HECTD2: variants seen among roughly 807,000 people sequenced by gnomAD.
HECTD2 encodes probable E3 ubiquitin-protein ligase HECTD2.
A neutral mutation model predicts 103.2 loss-of-function variants in HECTD2; 35 were observed. The ratio of observed to expected loss-of-function variants is 0.34; its 90% CI spans 0.26 to 0.45. The LOEUF is 0.45. Ranked by LOEUF, HECTD2 falls within the 20% of genes least tolerant of loss-of-function variation. The pLI, the probability that HECTD2 is intolerant of heterozygous loss-of-function variation, is 1.00. For missense variants in HECTD2, 596 were observed against 937.4 expected (o/e 0.64, Z 4.76); for synonymous variants, 281 against 329.9 (o/e 0.85, Z 1.61).
intron 2 of HECTD2, among the ~76,000 whole-genome samples, chr10:91,458,427 A>C (rs1271933119): frequency 6.6e-6 from 1 of 152,014 alleles, no homozygotes; most frequent in Non-Finnish European, 1.5e-5. Flanking sequence ...GATATAGATA[A>C]GATTATTTTC....
chr10:91,492,294 T>C, intron 12 of HECTD2, 58 bp from the exon 13 acceptor site: 1 of 1,515,906 alleles, frequency 6.6e-7, no homozygotes, highest in South Asian at 1.2e-5. Context: ...GAATTAAAAA[T>C]GTTAATTCTC....
At chr10:91,463,717 C>T (rs1273239508) in intron 5 of HECTD2, 1 of 152,150 alleles carries the variant, frequency 6.6e-6, no homozygotes, top group Admixed American at 6.6e-5. Context: ...TATAAACATC[C>T]TTTGTCATTG....
chr10:91,429,585 A>G (rs1050457111), intron 2 of HECTD2, among the ~76,000 whole-genome samples: 1 of 152,102 alleles, frequency 6.6e-6, no homozygotes, highest in Non-Finnish European at 1.5e-5. Context: ...AGAGATTCAA[A>G]TTCTTCCTGG....
At chr10:91,425,506 G>T in intron 2 of HECTD2, 96 bp downstream of exon 2, 2 of 862,334 alleles carry the variant, frequency 2.3e-6, no homozygotes, top group Non-Finnish European at 3.2e-6. Context: ...GATAGGTCTA[G>T]TTAATACAAC....
At chr10:91,456,514 A>G (rs925743653) in intron 2 of HECTD2, among the ~76,000 whole-genome samples, 6 of 152,188 alleles carry the variant, frequency 3.9e-5, no homozygotes, top group Non-Finnish European at 8.8e-5. Context: ...CAATCATGTC[A>G]TCTGCAAACA....
At chr10:91,417,457 G>A (rs1285582606) in intron 1 of HECTD2, among the ~76,000 whole-genome samples, 2 of 151,846 alleles carry the variant, frequency 1.3e-5, no homozygotes, top group African/African-American at 4.8e-5. Context: ...TGCCATGTTG[G>A]TGTGCTGCAC....
intron 16 of HECTD2, among the ~76,000 whole-genome samples, chr10:91,498,623 A>G (rs1044392545): frequency 1.3e-5 from 2 of 152,172 alleles, no homozygotes; most frequent in Admixed American, 1.3e-4. Flanking sequence ...ATGTCCACAC[A>G]GTTTTGTGGA....
At chr10:91,480,879 C>G (rs1047607966) in intron 6 of HECTD2, among the ~76,000 whole-genome samples, 3 of 151,928 alleles carry the variant, frequency 2.0e-5, no homozygotes, top group Non-Finnish European at 4.4e-5. Context: ...GCCTAGTTAG[C>G]TCAGTCTTTA....
intron 2 of HECTD2, among the ~76,000 whole-genome samples, chr10:91,430,396 C>G (rs1009421255): frequency 6.6e-6 from 1 of 151,976 alleles, no homozygotes; most frequent in East Asian, 1.9e-4. Context: ...CTATTAGGTC[C>G]GCTTGGTGCA....
chr10:91,462,064 A>C (rs544271800), intron 4 of HECTD2, 31 bp from the exon 5 acceptor site: 11 of 1,460,400 alleles, frequency 7.5e-6, no homozygotes, highest in Admixed American at 7.0e-5. Flanking sequence ...TAAAATGTTG[A>C]ATATACTTAA....
intron 5 of HECTD2, among the ~76,000 whole-genome samples, chr10:91,477,724 TAATG>T (rs1845958884): frequency 6.6e-6 from 1 of 152,240 alleles, no homozygotes; most frequent in African/African-American, 2.4e-5. Flanking sequence ...AGTTTCTTGT[TAATG>T]AAGCTTCTAT....
intron 2 of HECTD2, among the ~76,000 whole-genome samples, chr10:91,449,004 G>A (rs1844660899): frequency 1.5e-5 from 2 of 134,410 alleles, no homozygotes; most frequent in South Asian, 2.8e-4. Flanking sequence ...AGAAAAAGAG[G>A]AACTCCTCCC....
At chr10:91,449,496 G>A (rs61877878) in intron 2 of HECTD2, among the ~76,000 whole-genome samples, 1 of 152,096 alleles carries the variant, frequency 6.6e-6, no homozygotes, top group African/African-American at 2.4e-5. Context: ...AGACAAGGAC[G>A]CCCTCTCTTA....
At chr10:91,488,704 T>C (rs1846354912) in intron 11 of HECTD2, 1 of 152,142 alleles carries the variant, frequency 6.6e-6, no homozygotes, top group Admixed American at 6.6e-5. Context: ...GTAATTCAGT[T>C]CCCAGAAGGT....
intron 20 of HECTD2, among the ~76,000 whole-genome samples, chr10:91,508,790 C>A (rs1847300720): frequency 1.3e-5 from 2 of 151,700 alleles, no homozygotes; most frequent in Admixed American, 1.3e-4. Context: ...ACCCAAAGGA[C>A]TATAAATCAT....
chr10:91,424,121 A>G (rs986306348), intron 1 of HECTD2, among the ~76,000 whole-genome samples: 4 of 152,156 alleles, frequency 2.6e-5, no homozygotes, highest in African/African-American at 4.8e-5. Context: ...ATGCTCTAAC[A>G]TGTCAACTCA....
chr10:91,501,890 A>G (rs1846915422), intron 20 of HECTD2, among the ~76,000 whole-genome samples: 1 of 151,962 alleles, frequency 6.6e-6, no homozygotes, highest in South Asian at 2.1e-4. Context: ...TCCTTTTCCC[A>G]AATAACTTAT....
chr10:91,477,357 G>C (rs1007757735), intron 5 of HECTD2, among the ~76,000 whole-genome samples: 12 of 152,160 alleles, frequency 7.9e-5, no homozygotes, highest in Admixed American at 7.9e-4. Flanking sequence ...AATGTTGTGG[G>C]ACTGTCAGTG....
At chr10:91,481,266 T>C in intron 7 of HECTD2, 127 bp downstream of exon 7, 1 of 447,028 alleles carries the variant, frequency 2.2e-6, no homozygotes, top group Non-Finnish European at 3.9e-6. Context: ...AGAATTATAG[T>C]TACCTGTAAC....
Sources: gnomAD v4.1 joint callset for allele counts (sites outside exome capture counted in the v4.1 genomes callset) on GRCh38, gnomAD v4.1.1 for gene constraint, MANE v1.5 for transcripts, NCBI Gene and HGNC (gene_info 2026-07-23, HGNC 2026-07-21) for gene names.